The following KCNS3 variants were observed in gnomAD, a reference collection of about 807,000 sequenced individuals.
KCNS3 encodes potassium voltage-gated channel modifier subfamily S member 3, also known as delayed-rectifier potassium channel regulatory subunit KCNS3.
In KCNS3, 13 loss-of-function variants were observed where a neutral mutation model predicts 31.0. That is an observed-to-expected ratio of 0.42 (90% confidence interval 0.27 to 0.67). KCNS3 has a LOEUF of 0.67. KCNS3 is among the 30% of genes least tolerant of loss of function. The pLI is 0.25. For synonymous variants in KCNS3, 238 were observed against 241.5 expected (o/e 0.99, Z 0.13); for missense variants, 545 against 622.4 (o/e 0.88, Z 1.32).
intron 2 of KCNS3, among the ~76,000 whole-genome samples, chr2:17,925,861 A>G (rs564723753): frequency 5.3e-5 from 8 of 152,334 alleles, no homozygotes; most frequent in Admixed American, 2.0e-4. Context: ...TGCCTTCCCA[A>G]CAGTCACCCA....
chr2:17,879,970 C>T (rs1170418870), intron 1 of KCNS3, among the ~76,000 whole-genome samples: 4 of 152,156 alleles, frequency 2.6e-5, no homozygotes, highest in African/African-American at 9.7e-5. Context: ...TTGTCTTTCA[C>T]CCTACCCTCT....
At chr2:17,928,078 T>C (rs1376362922) in intron 2 of KCNS3, among the ~76,000 whole-genome samples, 4 of 152,202 alleles carry the variant, frequency 2.6e-5, no homozygotes, top group Non-Finnish European at 5.9e-5. Flanking sequence ...TCTTTAAATA[T>C]TTTAGAGTTT....
At chr2:17,878,446 G>C (rs1250985332), upstream of KCNS3, among the ~76,000 whole-genome samples, 2 of 151,924 alleles carry the variant, frequency 1.3e-5, no homozygotes, top group Admixed American at 6.5e-5. Flanking sequence ...GCAGCATCTA[G>C]GTCTATGGGT....
chr2:17,880,401 T>A (rs1428762442), intron 1 of KCNS3, among the ~76,000 whole-genome samples: 1 of 152,204 alleles, frequency 6.6e-6, no homozygotes, highest in Non-Finnish European at 1.5e-5. Flanking sequence ...CTGCACCCAG[T>A]CTAGTCTGTT....
chr2:17,880,520 C>T (rs773719259), intron 1 of KCNS3, among the ~76,000 whole-genome samples: 2 of 152,176 alleles, frequency 1.3e-5, no homozygotes, highest in Non-Finnish European at 2.9e-5. Flanking sequence ...ATGAAGGTGC[C>T]ATAGAACTCT....
At chr2:17,898,303 CA>C (rs1179910079) in intron 1 of KCNS3, among the ~76,000 whole-genome samples, 4 of 149,112 alleles carry the variant, frequency 2.7e-5, no homozygotes, top group Non-Finnish European at 4.4e-5. Flanking sequence ...TTTTTGGTTC[CA>C]TATGAATTTC....
At chr2:17,912,541 C>T (rs2125246254) in intron 1 of KCNS3, among the ~76,000 whole-genome samples, 1 of 152,334 alleles carries the variant, frequency 6.6e-6, no homozygotes, top group Admixed American at 6.5e-5. Flanking sequence ...CTATGAGGTG[C>T]ACACCCTTCC....
chr2:17,912,810 A>G (rs748940041), intron 1 of KCNS3, among the ~76,000 whole-genome samples: 2 of 152,258 alleles, frequency 1.3e-5, no homozygotes, highest in Non-Finnish European at 2.9e-5. Flanking sequence ...AATAATTTAG[A>G]GACTTTGCTT....
intron 2 of KCNS3, among the ~76,000 whole-genome samples, chr2:17,921,915 G>GTATATA (rs56064218): frequency 0.024 from 781 of 32,390 alleles, 5 homozygotes; most frequent in African/African-American, 0.026. Flanking sequence ...GTGTGTGTGT[G>GTATATA]TATATATATA....
chr2:17,921,915 G>GTCTATATATATA (rs375189924), intron 2 of KCNS3, among the ~76,000 whole-genome samples: 1 of 32,810 alleles, frequency 3.0e-5, no homozygotes, highest in Non-Finnish European at 5.5e-5. Flanking sequence ...GTGTGTGTGT[G>GTCTATATATATA]TATATATATA....
At position 17,908,670 on chromosome 2, in the gene KCNS3, C is replaced by T. The variant is rs189135015; in HGVS notation, c.-251-9010C>T. Among the ~76,000 whole-genome samples, 29 of 152,304 alleles carry T rather than the reference C, an allele frequency of 1.9e-4. No individual in the cohort carries two copies. In the South Asian group the frequency reaches 2.9e-3, roughly 15 times the overall value. ...ATGTCCTTTCTGTTTGTTAGTTTTC[C>T]GTCTAGCAGTCAGGACCCTCAGCTG... On this transcript the variant is annotated intron_variant, in intron 1 of 2. Transcript: ENST00000304101.
At chr2:17,928,119 C>G (rs535689335) in intron 2 of KCNS3, among the ~76,000 whole-genome samples, 1 of 152,270 alleles carries the variant, frequency 6.6e-6, no homozygotes, top group Admixed American at 6.5e-5. Context: ...GCAATTTGTA[C>G]ACTTCATCTA....
intron 1 of KCNS3, among the ~76,000 whole-genome samples, chr2:17,886,528 C>T (rs979411979): frequency 1.3e-5 from 2 of 152,166 alleles, no homozygotes; most frequent in African/African-American, 4.8e-5. Flanking sequence ...CCAGTCTTCC[C>T]TTGGTGCTCA....
intron 2 of KCNS3, among the ~76,000 whole-genome samples, chr2:17,921,930 T>TATATAC (rs1662722394): frequency 1.3e-5 from 1 of 74,226 alleles, no homozygotes; most frequent in Non-Finnish European, 2.4e-5. Flanking sequence ...TATATATATA[T>TATATAC]ATATATATAT....
At chr2:17,922,347 CTATT>C (rs1662738013) in intron 2 of KCNS3, among the ~76,000 whole-genome samples, 1 of 151,780 alleles carries the variant, frequency 6.6e-6, no homozygotes. Flanking sequence ...GCTGGAATCC[CTATT>C]TATTCACTTA....
chr2:17,878,678 C>G lies in KCNS3; in HGVS notation c.-380C>G, dbSNP rs1022593289. ...CGGGACCGACGGACAGACCGGCCGA[C>G]GCGGGCCACCCCGCTCTCCTCGCCG... On this transcript the variant is annotated 5_prime_UTR_variant, in exon 1 of 3. Coordinates refer to ENST00000304101, the MANE Select transcript of KCNS3 (RefSeq NM_002252.5). 2 of 149,904 alleles carry G rather than the reference C, an allele frequency of 1.3e-5. No homozygotes were observed. The highest frequency in any genetic ancestry group is 3.0e-5 in the Non-Finnish European group (2 of 67,274). 9.3% of individuals were successfully genotyped at this position (149,904 alleles called of 1,614,324 possible). A position where few individuals can be genotyped will look rare whatever the true frequency, so the allele number is the denominator to read the frequency against.
intron 2 of KCNS3, among the ~76,000 whole-genome samples, chr2:17,920,752 A>C (rs1344500083): frequency 6.6e-6 from 1 of 152,212 alleles, no homozygotes; most frequent in East Asian, 1.9e-4. Context: ...TTTGTGGCCA[A>C]TGCCACTGTA....
intron 1 of KCNS3, among the ~76,000 whole-genome samples, chr2:17,884,268 AATATATATATAT>A (rs1227638443): frequency 8.6e-5 from 4 of 46,696 alleles, no homozygotes; most frequent in African/African-American, 3.1e-4. Flanking sequence ...AAAAAAAAAA[AATATATATATAT>A]ATATATATAT....
At chr2:17,904,264 G>T (rs1170916362) in intron 1 of KCNS3, among the ~76,000 whole-genome samples, 2 of 152,266 alleles carry the variant, frequency 1.3e-5, no homozygotes, top group East Asian at 3.9e-4. Flanking sequence ...CTTCTTTTGA[G>T]AAGTGTCTGT....
Sources: gnomAD v4.1 joint callset for allele counts (sites outside exome capture counted in the v4.1 genomes callset) on GRCh38, gnomAD v4.1.1 for gene constraint, MANE v1.5 for transcripts, NCBI Gene and HGNC (gene_info 2026-07-23, HGNC 2026-07-21) for gene names.